Variants in NOX4 observed in about 807,000 individuals in gnomAD.
The protein encoded by NOX4 is NADPH oxidase 4.
A neutral mutation model predicts 87.6 loss-of-function variants in NOX4; 69 were observed. The observed-to-expected ratio is 0.79, with a 90% CI of 0.65 to 0.96. The LOEUF is 0.96. NOX4 is among the 40% of genes least tolerant of loss of function. The probability of loss-of-function intolerance (pLI) is 0.00; values close to 1 mark genes in which losing one functional copy is unlikely to be tolerated. For synonymous variants in NOX4, 275 were observed against 238.2 expected, an observed-to-expected ratio of 1.15 and a Z score of -1.42; for missense variants, 680 against 681.5, an observed-to-expected ratio of 1.00 and a Z score of 0.02.
At chr11:89,530,509 C>CA in the NOX4 span, among the ~76,000 whole-genome samples, 1 of 135,446 alleles carries the variant, frequency 7.4e-6, no homozygotes, top group African/African-American at 2.7e-5. Context: ...CATCTGTCTA[C>CA]TTTTTTTTTT....
intron 2 of NOX4, among the ~76,000 whole-genome samples, chr11:89,470,665 A>C (rs549439975): frequency 1.3e-5 from 2 of 152,118 alleles, no homozygotes; most frequent in Non-Finnish European, 2.9e-5. Context: ...CAATTAAAGA[A>C]AAGTTTCAAA....
chr11:89,449,657 AATTATG>A (rs1278061298), intron 3 of NOX4, 133 bp from the exon 4 acceptor site: 2 of 610,384 alleles, frequency 3.3e-6, no homozygotes, highest in African/African-American at 1.9e-5. Context: ...TGGTGAGATG[AATTATG>A]ATCTATCTAG....
chr11:89,479,009 TA>T (rs11452819), intron 2 of NOX4, among the ~76,000 whole-genome samples: 190 of 141,920 alleles, frequency 1.3e-3, no homozygotes, highest in Middle Eastern at 3.6e-3. Context: ...TGTTTCATCT[TA>T]AAAAAAAAAA....
chr11:89,416,060 G>C (rs111366877), intron 8 of NOX4, among the ~76,000 whole-genome samples: 146 of 152,206 alleles, frequency 9.6e-4, no homozygotes, highest in African/African-American at 3.1e-3. Context: ...CAGTGCATTA[G>C]CCTCTCTTAA....
the NOX4 span, among the ~76,000 whole-genome samples, chr11:89,569,633 T>C: frequency 6.6e-6 from 1 of 152,194 alleles, no homozygotes; most frequent in African/African-American, 2.4e-5. Flanking sequence ...GAAAGCAGTT[T>C]GGAGATTTCT....
intron 11 of NOX4, among the ~76,000 whole-genome samples, chr11:89,386,036 A>G (rs1940677132): frequency 6.6e-6 from 1 of 152,142 alleles, no homozygotes; most frequent in Non-Finnish European, 1.5e-5. Context: ...GGAAAGGTAA[A>G]ATGGACTAAT....
the NOX4 span, among the ~76,000 whole-genome samples, chr11:89,538,718 C>T: frequency 7.6e-6 from 1 of 132,382 alleles, no homozygotes; most frequent in East Asian, 2.2e-4. Flanking sequence ...AAACACCCCA[C>T]TATTTTTTTT....
the NOX4 span, among the ~76,000 whole-genome samples, chr11:89,586,740 A>G: frequency 6.6e-6 from 1 of 152,188 alleles, no homozygotes; most frequent in East Asian, 1.9e-4. Context: ...GACTCTTTGC[A>G]GATAAAACAA....
chr11:89,556,526 G>A, the NOX4 span, among the ~76,000 whole-genome samples: 1 of 139,820 alleles, frequency 7.2e-6, no homozygotes, highest in Non-Finnish European at 1.6e-5. Context: ...CCATCAAGGG[G>A]AAGGGAGGGG....
At chr11:89,578,169 T>C in the NOX4 span, among the ~76,000 whole-genome samples, 1 of 151,522 alleles carries the variant, frequency 6.6e-6, no homozygotes, top group Non-Finnish European at 1.5e-5. Context: ...TTAAATCTTT[T>C]TTTTTTTTTT....
intron 11 of NOX4, among the ~76,000 whole-genome samples, chr11:89,376,881 C>A: frequency 6.6e-6 from 1 of 151,696 alleles, no homozygotes; most frequent in East Asian, 1.9e-4. Context: ...GACTCCATCT[C>A]AAAAAATAAA....
chr11:89,425,409 C>CAAAAA (rs766357906), intron 7 of NOX4, among the ~76,000 whole-genome samples: 13 of 70,670 alleles, frequency 1.8e-4, no homozygotes, highest in East Asian at 4.2e-4. Flanking sequence ...ATTGAAATAC[C>CAAAAA]AAAAAAAAAA....
intron 3 of NOX4, among the ~76,000 whole-genome samples, chr11:89,450,931 G>C (rs1450590872): frequency 6.6e-6 from 1 of 151,586 alleles, no homozygotes; most frequent in Non-Finnish European, 1.5e-5. Context: ...GATGAAGCTG[G>C]AAACCATCAT....
chr11:89,338,765 C>A (rs1329311095), intron 15 of NOX4, among the ~76,000 whole-genome samples: 1 of 152,064 alleles, frequency 6.6e-6, no homozygotes, highest in African/African-American at 2.4e-5. Context: ...AAATATGTGT[C>A]TAGTCTGCTC....
At chr11:89,480,183 C>T (rs1045405851) in intron 2 of NOX4, among the ~76,000 whole-genome samples, 1 of 152,288 alleles carries the variant, frequency 6.6e-6, no homozygotes, top group Non-Finnish European at 1.5e-5. Context: ...CTTTCACGAT[C>T]CCACTTCAAC....
At chr11:89,434,087 T>A (rs1170853431) in intron 6 of NOX4, among the ~76,000 whole-genome samples, 1 of 152,026 alleles carries the variant, frequency 6.6e-6, no homozygotes, top group African/African-American at 2.4e-5. Flanking sequence ...TCTTTCCTTG[T>A]CAAGAAAACT....
At chr11:89,512,196 C>G in the NOX4 span, among the ~76,000 whole-genome samples, 319 of 152,112 alleles carry the variant, frequency 2.1e-3, no homozygotes, top group Middle Eastern at 6.8e-3. Context: ...GCCCATGGAA[C>G]TACGAACCAC....
rs190074690 is a variant in NOX4 at position 89,340,492 on chromosome 11, A to G, written c.1338-321T>C. The stretch of plus-strand genomic sequence containing the variant: ...ATTTCCAGTTGAAGGCCATAACTGA[A>G]CTGGACCAGAATAATATTGGGCTCT... On this transcript the variant is annotated intron_variant, in intron 14 of 17. Coordinates refer to ENST00000263317, the MANE Select transcript of NOX4 (RefSeq NM_016931.5). 2.6e-3 allele frequency among the ~76,000 whole-genome samples: 403 copies of G among 152,296 alleles called. 2 individuals are homozygous for G. The highest frequency in any genetic ancestry group is 9.1e-3 in the African/African-American group (378 of 41,572).
chr11:89,455,808 T>C (rs1480123121), intron 2 of NOX4, among the ~76,000 whole-genome samples: 2 of 151,326 alleles, frequency 1.3e-5, no homozygotes, highest in Non-Finnish European at 2.9e-5. Flanking sequence ...CCACAATCTG[T>C]AGGCAACTCT....
Sources: gnomAD v4.1 joint callset for allele counts (sites outside exome capture counted in the v4.1 genomes callset) on GRCh38, gnomAD v4.1.1 for gene constraint, MANE v1.5 for transcripts, NCBI Gene and HGNC (gene_info 2026-07-23, HGNC 2026-07-21) for gene names.